Variants in CAST observed in about 807,000 individuals in gnomAD.
The protein encoded by CAST is calpastatin.
A neutral mutation model predicts 119.6 loss-of-function variants in CAST; 76 were observed. The observed-to-expected ratio is 0.64, with a 90% CI of 0.53 to 0.77. The LOEUF is 0.77. Ranked by LOEUF, CAST falls within the 30% of genes least tolerant of loss-of-function variation. The pLI is 0.00. For missense variants in CAST, 953 were observed against 946.5 expected, an observed-to-expected ratio of 1.01 and a Z score of -0.09; for synonymous variants, 319 against 331.6, an observed-to-expected ratio of 0.96 and a Z score of 0.41.
intron 1 of CAST, among the ~76,000 whole-genome samples, chr5:96,648,430 A>T (rs890543739): frequency 6.6e-6 from 1 of 151,684 alleles, no homozygotes; most frequent in African/African-American, 2.4e-5. Flanking sequence ...TATATATTTA[A>T]GTTTCAGCAC....
chr5:96,594,140 T>C (rs960545442), intron 1 of CAST, among the ~76,000 whole-genome samples: 2 of 152,204 alleles, frequency 1.3e-5, no homozygotes, highest in Non-Finnish European at 1.5e-5. Context: ...ACCTTCCAAA[T>C]AGAACTTTCT....
At chr5:96,728,952 C>G (rs1581156309) in intron 6 of CAST, 4 of 518,386 alleles carry the variant, frequency 7.7e-6, no homozygotes, top group South Asian at 2.9e-5. Flanking sequence ...TCACCATTCT[C>G]AGAGACTGCT....
intron 6 of CAST, 39 bp downstream of exon 6, chr5:96,727,569 T>C (rs752073740): frequency 7.6e-7 from 1 of 1,308,490 alleles, no homozygotes; most frequent in Non-Finnish European, 1.1e-6. Context: ...ATTTGGATTC[T>C]TTTTAATAAT....
chr5:95,992,630 C>T, the CAST span, among the ~76,000 whole-genome samples: 1 of 152,020 alleles, frequency 6.6e-6, no homozygotes, highest in Non-Finnish European at 1.5e-5. Context: ...GATCTTGGAA[C>T]AGAAAGAAGA....
chr5:96,769,850 T>C (rs1771608322), intron 29 of CAST: 1 of 149,710 alleles, frequency 6.7e-6, no homozygotes. Flanking sequence ...GTCTGGCTTA[T>C]ATCATCTAGT....
intron 13 of CAST, 190 bp from the exon 14 acceptor site, chr5:96,741,076 G>A (rs1762562178): frequency 1.7e-6 from 1 of 596,262 alleles, no homozygotes; most frequent in Non-Finnish European, 3.0e-6. Context: ...AAAGGGGGAA[G>A]TGGAAAATAA....
chr5:96,669,451 T>G (rs1240479220), intron 1 of CAST, among the ~76,000 whole-genome samples: 3 of 152,172 alleles, frequency 2.0e-5, no homozygotes, highest in African/African-American at 7.2e-5. Flanking sequence ...AATTCTTTGT[T>G]ATGGTCCTAC....
chr5:96,232,977 T>C, the CAST span, among the ~76,000 whole-genome samples: 1 of 152,062 alleles, frequency 6.6e-6, no homozygotes, highest in Non-Finnish European at 1.5e-5. Context: ...TTAACACAGA[T>C]ACTTATTACA....
At chr5:96,024,687 C>G in the CAST span, among the ~76,000 whole-genome samples, 1 of 152,106 alleles carries the variant, frequency 6.6e-6, no homozygotes, top group East Asian at 1.9e-4. Flanking sequence ...GAATTAGGCT[C>G]TCTGTGTCTA....
the CAST span, chr5:96,429,180 G>A: frequency 2.9e-6 from 3 of 1,043,000 alleles, no homozygotes; most frequent in Non-Finnish European, 3.0e-6. Flanking sequence ...ATAAGCTAGA[G>A]TATTGGTTTG....
chr5:96,345,449 A>G, the CAST span, among the ~76,000 whole-genome samples: 1 of 152,218 alleles, frequency 6.6e-6, no homozygotes, highest in African/African-American at 2.4e-5. Context: ...ATTGGGCTCC[A>G]TTATAATTGC....
At chr5:96,420,805 G>GAC in the CAST span, among the ~76,000 whole-genome samples, 21 of 151,724 alleles carry the variant, frequency 1.4e-4, no homozygotes, top group African/African-American at 3.9e-4. Flanking sequence ...GAGAGAGAGA[G>GAC]AGAGACAGAG....
chr5:96,228,790 G>T, the CAST span, among the ~76,000 whole-genome samples: 2 of 151,998 alleles, frequency 1.3e-5, no homozygotes, highest in African/African-American at 2.4e-5. Flanking sequence ...ATCCTGAAAG[G>T]TGTTTTTAAG....
intron 16 of CAST, among the ~76,000 whole-genome samples, chr5:96,744,632 A>C (rs1390424468): frequency 6.6e-6 from 1 of 152,238 alleles, no homozygotes; most frequent in African/African-American, 2.4e-5. Context: ...ATGTTTCTAA[A>C]GAGGATCTTT....
intron 27 of CAST, among the ~76,000 whole-genome samples, chr5:96,766,704 G>C (rs754415873): frequency 3.3e-5 from 5 of 152,152 alleles, no homozygotes; most frequent in Non-Finnish European, 7.4e-5. Flanking sequence ...TCTTTCGTAG[G>C]TCAACCAGGC....
the CAST span, among the ~76,000 whole-genome samples, chr5:96,312,009 GTCTT>G: frequency 6.6e-6 from 1 of 151,818 alleles, no homozygotes; most frequent in East Asian, 1.9e-4. Context: ...CTCTCTTGCT[GTCTT>G]TCTTTGTGGC....
At chr5:96,721,291 T>A (rs1443137782) in intron 3 of CAST, among the ~76,000 whole-genome samples, 2 of 152,108 alleles carry the variant, frequency 1.3e-5, no homozygotes, top group Admixed American at 6.5e-5. Flanking sequence ...GAAAAATAAG[T>A]ATACTAAAGC....
the CAST span, among the ~76,000 whole-genome samples, chr5:96,487,688 T>C: frequency 1.3e-5 from 2 of 152,242 alleles, no homozygotes; most frequent in South Asian, 2.1e-4. Flanking sequence ...CTCCAGTTAA[T>C]TTGAACCTTC....
the CAST span, among the ~76,000 whole-genome samples, chr5:96,350,303 A>G: frequency 6.6e-6 from 1 of 152,126 alleles, no homozygotes. Context: ...CCAAATACAC[A>G]ATTTACGTAT....
Sources: allele counts gnomAD v4.1 joint callset (sites outside exome capture counted in the v4.1 genomes callset), GRCh38; gene constraint gnomAD v4.1.1; transcripts MANE v1.5; gene names NCBI Gene and HGNC (gene_info 2026-07-23, HGNC 2026-07-21).